CDH26: variants seen among roughly 807,000 people sequenced by gnomAD.
CDH26 encodes cadherin 26.
Under a neutral mutation model 90.3 loss-of-function variants are expected in CDH26, and 83 were observed. The ratio of observed to expected loss-of-function variants is 0.92; its 90% CI spans 0.77 to 1.10. The LOEUF (loss-of-function observed/expected upper bound fraction) is 1.10, where lower values mean the gene tolerates loss of function less well. Ranked by LOEUF, CDH26 falls within the 50% of genes least tolerant of loss-of-function variation. CDH26 has a pLI of 0.00. For missense variants in CDH26, 1,013 were observed against 1,037.6 expected, an observed-to-expected ratio of 0.98 and a Z score of 0.33; for synonymous variants, 397 against 396.3, an observed-to-expected ratio of 1.00 and a Z score of -0.02.
chr20:60,017,571 C>A (rs2061916379), downstream of CDH26, among the ~76,000 whole-genome samples: 1 of 151,728 alleles, frequency 6.6e-6, no homozygotes, highest in African/African-American at 2.4e-5. Flanking sequence ...GTTTCATTAA[C>A]CTTTTGTATT....
At position 59,971,986 on chromosome 20, in the gene CDH26, A is replaced by G. The variant is rs752661325; in HGVS notation, c.256A>G (p.Met86Val). The G allele has an allele frequency of 6.8e-6, 11 of 1,613,672 alleles. No homozygotes were observed. In the East Asian group the frequency reaches 1.8e-4, roughly 26 times the overall value. Reference protein sequence around the residue: ...GELFNNMSYNMSLMYLISGPG... With the variant: ...GELFNNMSYNVSLMYLISGPG... ...GCTGTTCAATAATATGTCTTATAAC[A>G]TGTCACTAATGTATCTAATCAGTGG... Residue 86 changes from methionine to valine, a missense_variant, in exon 4 of 18, where the codon ATG becomes GTG. Met to Val is a conservative substitution (Grantham distance 21, BLOSUM62 1). Coordinates refer to ENST00000348616, the MANE Select transcript of CDH26 (RefSeq NM_177980.4).
chr20:59,994,600 G>A, intron 11 of CDH26, 111 bp downstream of exon 11: 1 of 1,352,876 alleles, frequency 7.4e-7, no homozygotes, highest in Non-Finnish European at 1.0e-6. Context: ...AGAGGTCTGC[G>A]TTCTGGCAGA....
intron 7 of CDH26, 148 bp from the exon 8 acceptor site, chr20:59,987,305 G>A (rs2061471120): frequency 1.6e-6 from 1 of 636,136 alleles, no homozygotes; most frequent in Non-Finnish European, 2.6e-6. Context: ...GCAGCATGAG[G>A]AATATCCAGG....
chr20:59,963,632 A>G (rs1281911125), intron 1 of CDH26, among the ~76,000 whole-genome samples: 1 of 152,172 alleles, frequency 6.6e-6, no homozygotes, highest in East Asian at 1.9e-4. Flanking sequence ...TAGGGGCCCA[A>G]TTAGCCACAT....
At chr20:60,016,756 A>G (rs1476083287), downstream of CDH26, among the ~76,000 whole-genome samples, 1 of 152,070 alleles carries the variant, frequency 6.6e-6, no homozygotes, top group African/African-American at 2.4e-5. Context: ...GGTGTGTCAT[A>G]TATAGCCTTA....
At position 60,031,398 on chromosome 20, in the gene CDH26, C is replaced by T. The variant is rs908952926; in HGVS notation, c.1116C>T (p.Phe372=). 3.3e-6 allele frequency: 4 copies of T among 1,217,926 alleles called. No homozygotes were observed. The African/African-American group carries it at 6.4e-5, about 20-fold the overall frequency. 75.4% of individuals were successfully genotyped at this position (1,217,926 alleles called of 1,614,324 possible). The change falls in exon 8 of 9, where the codon TTC becomes TTT. Residue 372 remains phenylalanine (F), a synonymous_variant. Transcript: ENST00000370991. Reference sequence around the variant, plus strand: ...GGGCTTTGGCTCGAACACCCTCTTTCAAGAAAGTTGTTTATGACCACAAGG... The same window carrying T: ...GGGCTTTGGCTCGAACACCCTCTTTTAAGAAAGTTGTTTATGACCACAAGG...
intron 4 of CDH26, among the ~76,000 whole-genome samples, chr20:59,981,626 A>T (rs2061396154): frequency 6.6e-6 from 1 of 152,144 alleles, no homozygotes; most frequent in African/African-American, 2.4e-5. Context: ...TTTGGTCATA[A>T]TGTACTATCC....
In CDH26 at chr20:59,965,914, T is replaced by C. The variant is rs574944696; in HGVS notation, c.70-3053T>C. 3.3e-5 allele frequency among the ~76,000 whole-genome samples: 5 copies of C among 152,320 alleles called. No homozygotes were observed. In the South Asian group the frequency reaches 1.0e-3, roughly 32 times the overall value. On this transcript the variant is annotated intron_variant, in intron 1 of 17. Coordinates refer to ENST00000348616, the MANE Select transcript of CDH26 (RefSeq NM_177980.4). ...TGATGTGTTGATCATTAGGAAGCCA[T>C]TGGCTATTGAGTTATGCAGGTATTT...
intron 9 of CDH26, among the ~76,000 whole-genome samples, chr20:59,990,003 T>C (rs1187100749): frequency 6.6e-6 from 1 of 152,232 alleles, no homozygotes; most frequent in Non-Finnish European, 1.5e-5. Flanking sequence ...ACAGAAACTC[T>C]GTCTCCATTA....
At chr20:60,028,358 G>C (rs763277649) in intron 7 of CDH26, among the ~76,000 whole-genome samples, 1 of 152,242 alleles carries the variant, frequency 6.6e-6, no homozygotes, top group Non-Finnish European at 1.5e-5. Flanking sequence ...TTAAAAGCCT[G>C]TCTTCCCCAC....
chr20:60,033,315 A>G (rs1027761289), intron 8 of CDH26, among the ~76,000 whole-genome samples: 2 of 152,206 alleles, frequency 1.3e-5, no homozygotes, highest in East Asian at 3.8e-4. Context: ...TTTTTGGTGG[A>G]TCTGAAGCTG....
At chr20:59,959,010 A>G (rs1325129505) in intron 1 of CDH26, among the ~76,000 whole-genome samples, 1 of 152,234 alleles carries the variant, frequency 6.6e-6, no homozygotes, top group Non-Finnish European at 1.5e-5. Context: ...CAACAGTGGG[A>G]GCAGGCTAAG....
intron 1 of CDH26, among the ~76,000 whole-genome samples, chr20:59,961,905 A>G (rs757670184): frequency 6.6e-6 from 1 of 152,258 alleles, no homozygotes; most frequent in East Asian, 1.9e-4. Context: ...ATGAAACTGT[A>G]CAATGAGAAA....
chr20:59,990,690 C>G (rs2061516960), intron 9 of CDH26, among the ~76,000 whole-genome samples: 1 of 152,120 alleles, frequency 6.6e-6, no homozygotes, highest in South Asian at 2.1e-4. Flanking sequence ...TTCATTTTTG[C>G]AGTTATCTCA....
chr20:60,012,769 G>A lies in CDH26; in HGVS notation c.*39G>A, dbSNP rs751673409. On this transcript the variant is annotated 3_prime_UTR_variant, in exon 18 of 18. Transcript: ENST00000348616. ...TTTTGGAGAATTGAAATAATTCATG[G>A]AAGGGAATCACTATTCAGGGATTTT... The A allele has an allele frequency of 7.6e-6, 12 of 1,588,196 alleles. No homozygotes were observed. In the South Asian group the frequency reaches 1.2e-4, roughly 16 times the overall value.
At chr20:59,994,134 G>A (rs2061561333) in intron 10 of CDH26, 116 bp from the exon 11 acceptor site, 2 of 1,346,116 alleles carry the variant, frequency 1.5e-6, no homozygotes, top group Non-Finnish European at 2.0e-6. Flanking sequence ...GACGTTGAAA[G>A]GGAAACAGTT....
intron 1 of CDH26, 68 bp from the exon 2 acceptor site, chr20:59,968,899 T>A (rs2061212183): frequency 1.3e-6 from 1 of 774,254 alleles, no homozygotes. Context: ...TTTGTGCAAC[T>A]CCAGGTGGTT....
At chr20:60,006,450 C>T (rs750804531) in intron 16 of CDH26, among the ~76,000 whole-genome samples, 10 of 152,164 alleles carry the variant, frequency 6.6e-5, no homozygotes, top group African/African-American at 1.4e-4. Context: ...CCCTCCTGGC[C>T]GGGCTCACTT....
intron 13 of CDH26, among the ~76,000 whole-genome samples, chr20:59,997,157 C>A (rs1015703709): frequency 2.0e-5 from 3 of 152,188 alleles, no homozygotes; most frequent in African/African-American, 7.2e-5. Context: ...AGAAACTGTG[C>A]TTAGGGAAAT....
Sources: allele counts gnomAD v4.1 joint callset (sites outside exome capture counted in the v4.1 genomes callset), GRCh38; gene constraint gnomAD v4.1.1; transcripts MANE v1.5; gene names NCBI Gene and HGNC (gene_info 2026-07-23, HGNC 2026-07-21).